Variants in LAMC2 observed in about 807,000 individuals in gnomAD.
LAMC2 encodes the protein laminin subunit gamma 2.
Under a neutral mutation model 140.2 loss-of-function variants are expected in LAMC2, and 97 were observed. The observed-to-expected ratio is 0.69, with a 90% confidence interval of 0.59 to 0.82. The LOEUF (loss-of-function observed/expected upper bound fraction) is 0.82. Among genes scored for constraint, LAMC2 ranks in the 40% least tolerant of loss-of-function variants. The pLI is 0.00. For synonymous variants in LAMC2, 513 were observed against 540.2 expected, an observed-to-expected ratio of 0.95 and a Z score of 0.70; for missense variants, 1,402 against 1,476.1, an observed-to-expected ratio of 0.95 and a Z score of 0.82.
At chr1:183,198,346 T>C (rs1658591804) in intron 1 of LAMC2, among the ~76,000 whole-genome samples, 2 of 152,022 alleles carry the variant, frequency 1.3e-5, no homozygotes, top group Admixed American at 6.6e-5. Flanking sequence ...GGTTTCACCA[T>C]GTTGGCCATG....
chr1:183,222,394 G>A (rs1659503119), intron 6 of LAMC2, among the ~76,000 whole-genome samples, 183 bp downstream of exon 6: 2 of 152,118 alleles, frequency 1.3e-5, no homozygotes, highest in African/African-American at 4.8e-5. Flanking sequence ...ACTAAGGAAT[G>A]GCCCAACAGA....
In LAMC2 at chr1:183,237,414, T is replaced by C; in HGVS notation, c.2664T>C (p.His888=). 3 of 1,614,040 alleles carry C rather than the reference T, an allele frequency of 1.9e-6. No individual in the cohort carries two copies. The highest frequency in any genetic ancestry group is 2.5e-6 in the Non-Finnish European group (3 of 1,179,920). ...ADSLSSLVTR[H]MDEFKRTQKN... ...CACTCTCAAGCCTGGTAACCAGGCA[T>C]ATGGATGAGTTCAAGCGTACACAGA... Residue 888 remains histidine, a synonymous_variant, in exon 18 of 23, where the codon CAT becomes CAC. Transcript: ENST00000264144.
intron 4 of LAMC2, among the ~76,000 whole-genome samples, 177 bp downstream of exon 4, chr1:183,218,665 C>T (rs1659363840): frequency 6.6e-6 from 1 of 152,156 alleles, no homozygotes; most frequent in African/African-American, 2.4e-5. Flanking sequence ...AAAACACACA[C>T]ACACACTGAG....
At chr1:183,189,628 G>GA (rs1658262921) in intron 1 of LAMC2, among the ~76,000 whole-genome samples, 2 of 152,188 alleles carry the variant, frequency 1.3e-5, no homozygotes, top group Admixed American at 1.3e-4. Context: ...CTAGGATATG[G>GA]AGGTAAAAGA....
intron 2 of LAMC2, among the ~76,000 whole-genome samples, chr1:183,214,921 G>A (rs1411354709): frequency 6.6e-6 from 1 of 152,154 alleles, no homozygotes; most frequent in East Asian, 1.9e-4. Flanking sequence ...GGCACACAGG[G>A]TACATCTCAC....
chr1:183,232,933 T>G, intron 14 of LAMC2, 76 bp downstream of exon 14: 1 of 1,380,948 alleles, frequency 7.2e-7, no homozygotes. Context: ...ACTGACTCAA[T>G]TTCTGTCTCT....
In LAMC2 at chr1:183,240,401, C is replaced by A. The variant is rs746333239; in HGVS notation, c.3328+10C>A. ...CTCCTGCATCTGATGGGTATGTGAA[C>A]CCACAACCCACAACCTTCCAGCTCC... On this transcript the variant is annotated intron_variant, in intron 22 of 22. Transcript: ENST00000264144. 7.4e-6 allele frequency: 12 copies of A among 1,613,924 alleles called. No homozygotes were observed. Among genetic ancestry groups the A allele is most frequent in the Non-Finnish European group, 1.0e-5 (12 of 1,179,936 alleles).
rs184634677 is a variant in LAMC2 at position 183,203,567 on chromosome 1, A to G, written c.80-4314A>G. Among the ~76,000 whole-genome samples the G allele has an allele frequency of 2.0e-5, 3 of 147,520 alleles. No homozygotes were observed. The East Asian group carries it at 6.1e-4, about 30-fold the overall frequency. ...TTTGGGAGATGGTTTGAGAGAGACC[A>G]TTTTTCAAACACATTAATGATGAAA... On this transcript the variant is annotated intron_variant, in intron 1 of 22. Transcript: ENST00000264144.
chr1:183,228,756 C>T lies in LAMC2; in HGVS notation c.1714+137C>T. 1.7e-6 allele frequency: 2 copies of T among 1,188,158 alleles called. No homozygotes were observed. Among genetic ancestry groups the T allele is most frequent in the Non-Finnish European group, 2.5e-6 (2 of 814,046 alleles). 73.6% of individuals were successfully genotyped at this position (1,188,158 alleles called of 1,614,324 possible). The stretch of plus-strand genomic sequence containing the variant: ...TCTGACCAAACTGGCCTGTGAGCAC[C>T]CTGGGCCTTTCTTCCTCTGTCAAAG... On this transcript the variant is annotated intron_variant, in intron 11 of 22. Coordinates refer to ENST00000264144, the MANE Select transcript of LAMC2 (RefSeq NM_005562.3). The surrounding 1 kb of genome is among the most constrained non-coding windows in gnomAD (Gnocchi z 4.3).
chr1:183,201,695 A>G (rs1658711707), intron 1 of LAMC2, among the ~76,000 whole-genome samples: 1 of 152,240 alleles, frequency 6.6e-6, no homozygotes, highest in Non-Finnish European at 1.5e-5. Context: ...GGATCACTTG[A>G]GGTCAGGAGT....
chr1:183,234,009 C>A (rs760406440), intron 14 of LAMC2, among the ~76,000 whole-genome samples: 20 of 151,828 alleles, frequency 1.3e-4, no homozygotes, highest in Non-Finnish European at 1.8e-4. Flanking sequence ...GCCTCAGCCT[C>A]CCAAGTAGCT....
the LAMC2 span, chr1:183,252,889 C>T: frequency 3.3e-6 from 2 of 607,968 alleles, no homozygotes; most frequent in Non-Finnish European, 5.9e-6. Flanking sequence ...GCCCTCTTGC[C>T]TCCACAACTC....
At chr1:183,193,315 G>A (rs672525) in intron 1 of LAMC2, among the ~76,000 whole-genome samples, 47,704 of 152,026 alleles carry the variant, frequency 0.31, 7,850 homozygotes, top group East Asian at 0.44. Context: ...GTTTAGGATC[G>A]TTGATAGTAC....
chr1:183,197,227 G>A (rs1438392422), intron 1 of LAMC2, among the ~76,000 whole-genome samples: 3 of 152,138 alleles, frequency 2.0e-5, no homozygotes, highest in African/African-American at 4.8e-5. Context: ...GATATTTAGT[G>A]GGTTATATCA....
chr1:183,240,577 A>C, intron 22 of LAMC2, 186 bp downstream of exon 22: 1 of 1,439,086 alleles, frequency 6.9e-7, no homozygotes, highest in Non-Finnish European at 9.1e-7. Flanking sequence ...ACCCTGTTTT[A>C]CCGTTGCTAA....
downstream of LAMC2, among the ~76,000 whole-genome samples, chr1:183,245,376 A>T (rs559037378): frequency 2.0e-5 from 3 of 152,328 alleles, no homozygotes; most frequent in East Asian, 3.9e-4. Flanking sequence ...GTGAAAATGA[A>T]TTTGTAATCC....
Position 183,234,745 on chromosome 1 carries a change from A to G in LAMC2, c.2300+299A>G, listed in dbSNP as rs568213693. On this transcript the variant is annotated intron_variant, in intron 15 of 22. Coordinates refer to ENST00000264144, the MANE Select transcript of LAMC2 (RefSeq NM_005562.3). ...TGATTCCTCGGGCCACGTGAAATGA[A>G]TCAGCCCTTGGAAGAGAAAGCTCTG... 2.0e-5 allele frequency among the ~76,000 whole-genome samples: 3 copies of G among 152,312 alleles called. No individual in the cohort carries two copies. In the South Asian group the frequency reaches 6.2e-4, roughly 32 times the overall value.
the LAMC2 span, chr1:183,251,515 G>GT: frequency 1.7e-4 from 26 of 152,020 alleles, no homozygotes; most frequent in East Asian, 3.9e-4. Context: ...GTTTTGTTTT[G>GT]TTTTTTTATG....
downstream of LAMC2, among the ~76,000 whole-genome samples, chr1:183,245,753 T>G (rs1227621363): frequency 6.6e-6 from 1 of 152,252 alleles, no homozygotes; most frequent in African/African-American, 2.4e-5. Flanking sequence ...GGTGATTGGC[T>G]GTCTCTTCCA....
Sources: allele counts gnomAD v4.1 joint callset (sites outside exome capture counted in the v4.1 genomes callset), GRCh38; gene constraint gnomAD v4.1.1; non-coding constraint Gnocchi (gnomAD v3.1); transcripts MANE v1.5; gene names NCBI Gene and HGNC (gene_info 2026-07-23, HGNC 2026-07-21).